RPSA2: variants seen among roughly 807,000 people sequenced by gnomAD.
RPSA2 encodes small ribosomal subunit protein uS2B.
the RPSA2 span, chr19:23,758,864 A>C: frequency 3.4e-6 from 5 of 1,454,056 alleles, no homozygotes; most frequent in Non-Finnish European, 4.7e-6. Context: ...TGAAGACGAG[A>C]CCCGGAGCTC....
At chr19:23,770,398 C>A in the RPSA2 span, among the ~76,000 whole-genome samples, 1 of 152,182 alleles carries the variant, frequency 6.6e-6, no homozygotes, top group African/African-American at 2.4e-5. Flanking sequence ...GACATGGGAA[C>A]TGCCCATGGA....
chr19:23,864,958 C>A, the RPSA2 span, among the ~76,000 whole-genome samples: 1 of 152,174 alleles, frequency 6.6e-6, no homozygotes, highest in East Asian at 1.9e-4. Context: ...TCACCAGAAG[C>A]AAGGAGCCCT....
At chr19:23,823,542 ACCGTCCTACTCC>A in the RPSA2 span, among the ~76,000 whole-genome samples, 2 of 151,856 alleles carry the variant, frequency 1.3e-5, no homozygotes, top group African/African-American at 4.8e-5. Context: ...ACAGTCACAC[ACCGTCCTACTCC>A]CAGTTTTCTC....
At chr19:23,818,326 G>A in the RPSA2 span, 1 of 152,218 alleles carries the variant, frequency 6.6e-6, no homozygotes, top group Non-Finnish European at 1.5e-5. Flanking sequence ...AATTCTGCAA[G>A]GGATGAGAAC....
chr19:23,761,924 T>TCCTTCCTTCCTTCCTTCCTTCC, the RPSA2 span, among the ~76,000 whole-genome samples: 1 of 48,360 alleles, frequency 2.1e-5, no homozygotes, highest in Admixed American at 3.1e-4. Context: ...TTCTTTCTTT[T>TCCTTCCTTCCTTCCTTCCTTCC]TTTTTTTTTT....
At chr19:23,773,194 G>T in the RPSA2 span, among the ~76,000 whole-genome samples, 148,218 of 151,502 alleles carry the variant, frequency 0.98, 72,589 homozygotes, top group Middle Eastern at 1. Flanking sequence ...CCTCCCAGGT[G>T]CACGCCATTG....
chr19:23,807,798 C>A, the RPSA2 span: 3 of 378,102 alleles, frequency 7.9e-6, no homozygotes. Context: ...CCACTTTGTA[C>A]ATATGTGTGT....
At chr19:23,837,502 TTGG>T in the RPSA2 span, among the ~76,000 whole-genome samples, 1 of 152,146 alleles carries the variant, frequency 6.6e-6, no homozygotes, top group African/African-American at 2.4e-5. Context: ...GTGAAGAATG[TTGG>T]TGGTATTTTG....
the RPSA2 span, among the ~76,000 whole-genome samples, chr19:23,855,698 A>G: frequency 2.4e-3 from 360 of 152,280 alleles, 1 homozygote; most frequent in African/African-American, 6.3e-3. Context: ...GAAGAGGCAG[A>G]AGCATACTGG....
At chr19:23,790,831 G>A in the RPSA2 span, 1 of 537,882 alleles carries the variant, frequency 1.9e-6, no homozygotes, top group Non-Finnish European at 3.4e-6. Flanking sequence ...GAACTGGTGG[G>A]AAGCAGCTGT....
the RPSA2 span, among the ~76,000 whole-genome samples, chr19:23,852,695 A>T: frequency 6.6e-6 from 1 of 152,182 alleles, no homozygotes; most frequent in Non-Finnish European, 1.5e-5. Context: ...CGTTAGGGCC[A>T]TTATGGACAT....
At chr19:23,765,526 C>A in the RPSA2 span, among the ~76,000 whole-genome samples, 1 of 152,040 alleles carries the variant, frequency 6.6e-6, no homozygotes, top group African/African-American at 2.4e-5. Flanking sequence ...TCTTAGCAAA[C>A]TAACACAGGA....
At chr19:23,828,945 A>G in the RPSA2 span, among the ~76,000 whole-genome samples, 563 of 151,724 alleles carry the variant, frequency 3.7e-3, 4 homozygotes, top group African/African-American at 0.013. Flanking sequence ...AGACACACAC[A>G]CACACACACA....
the RPSA2 span, among the ~76,000 whole-genome samples, chr19:23,837,954 C>G: frequency 6.6e-6 from 1 of 152,112 alleles, no homozygotes. Flanking sequence ...TGTCTTATTG[C>G]TCTGGCTATG....
At chr19:23,853,803 G>A in the RPSA2 span, among the ~76,000 whole-genome samples, 4 of 152,122 alleles carry the variant, frequency 2.6e-5, no homozygotes, top group Admixed American at 2.0e-4. Flanking sequence ...TGACCATCAG[G>A]GCCAGTGCAA....
At chr19:23,775,543 G>T in the RPSA2 span, among the ~76,000 whole-genome samples, 1 of 152,168 alleles carries the variant, frequency 6.6e-6, no homozygotes, top group Non-Finnish European at 1.5e-5. Flanking sequence ...TAGGCTCAGT[G>T]TAGAGTTTAG....
At chr19:23,853,493 T>A in the RPSA2 span, among the ~76,000 whole-genome samples, 1 of 152,206 alleles carries the variant, frequency 6.6e-6, no homozygotes, top group Non-Finnish European at 1.5e-5. Context: ...ATCAAACAGG[T>A]GTTTCCAATT....
At chr19:23,792,025 T>G in the RPSA2 span, among the ~76,000 whole-genome samples, 5 of 152,174 alleles carry the variant, frequency 3.3e-5, no homozygotes, top group East Asian at 9.6e-4. Flanking sequence ...CCCTGCCGAC[T>G]GATTGTTTAC....
the RPSA2 span, among the ~76,000 whole-genome samples, chr19:23,767,840 C>T: frequency 6.7e-6 from 1 of 148,814 alleles, no homozygotes; most frequent in Non-Finnish European, 1.5e-5. Context: ...AATCTTGGCT[C>T]ACCACAACCT....
Sources: gnomAD v4.1 joint callset for allele counts (sites outside exome capture counted in the v4.1 genomes callset) on GRCh38, gnomAD v4.1.1 for gene constraint, MANE v1.5 for transcripts, NCBI Gene and HGNC (gene_info 2026-07-23, HGNC 2026-07-21) for gene names.